TFEC: variants seen among roughly 807,000 people sequenced by gnomAD.
TFEC encodes class E basic helix-loop-helix protein 34.
Under a neutral mutation model 41.6 loss-of-function variants are expected in TFEC, and 31 were observed. That is an observed-to-expected ratio of 0.74 (90% CI 0.56 to 1.01). The LOEUF (loss-of-function observed/expected upper bound fraction) is 1.01. Among genes scored for constraint, TFEC ranks in the 50% least tolerant of loss-of-function variants. The pLI is 0.00. For synonymous variants in TFEC, 143 were observed against 140.6 expected, an observed-to-expected ratio of 1.02 and a Z score of -0.12; for missense variants, 402 against 404.1, an observed-to-expected ratio of 0.99 and a Z score of 0.04.
chr7:116,112,537 T>C (rs1797878638), intron 1 of TFEC, among the ~76,000 whole-genome samples: 2 of 152,002 alleles, frequency 1.3e-5, no homozygotes, highest in Admixed American at 1.3e-4. Flanking sequence ...ATTATAGCTG[T>C]ACACATGACA....
upstream of TFEC, among the ~76,000 whole-genome samples, chr7:116,032,758 A>G (rs146140435): frequency 4.1e-3 from 620 of 152,264 alleles, 6 homozygotes; most frequent in African/African-American, 0.014. Context: ...GGGTGACAAA[A>G]TAATCTGTAC....
intron 3 of TFEC, among the ~76,000 whole-genome samples, chr7:116,063,390 G>A (rs1796615800): frequency 6.6e-6 from 1 of 152,170 alleles, no homozygotes; most frequent in Non-Finnish European, 1.5e-5. Flanking sequence ...GCTGAGGCAG[G>A]TGAATCATTT....
chr7:116,088,987 G>T (rs1190929009), intron 3 of TFEC, among the ~76,000 whole-genome samples: 1 of 152,002 alleles, frequency 6.6e-6, no homozygotes, highest in Non-Finnish European at 1.5e-5. Flanking sequence ...TGGACAAGTT[G>T]CTTACTCCCT....
intron 1 of TFEC, among the ~76,000 whole-genome samples, chr7:116,114,191 A>T (rs528264778): frequency 6.6e-6 from 1 of 152,066 alleles, no homozygotes; most frequent in African/African-American, 2.4e-5. Flanking sequence ...TATTAATAGT[A>T]TGATAAGCTA....
At chr7:115,982,935 A>G (rs773192894) in intron 2 of TFEC, among the ~76,000 whole-genome samples, 5 of 152,162 alleles carry the variant, frequency 3.3e-5, no homozygotes, top group Non-Finnish European at 5.9e-5. Context: ...AATATATAAT[A>G]AAATCATTTC....
At chr7:115,971,918 T>C (rs1243047736) in intron 3 of TFEC, among the ~76,000 whole-genome samples, 4 of 152,186 alleles carry the variant, frequency 2.6e-5, no homozygotes, top group African/African-American at 7.2e-5. Flanking sequence ...AATAAATTCC[T>C]TTCATGCTTA....
chr7:116,064,343 TAATA>T (rs1796642317), intron 3 of TFEC, among the ~76,000 whole-genome samples: 1 of 151,032 alleles, frequency 6.6e-6, no homozygotes, highest in African/African-American at 2.4e-5. Flanking sequence ...TTGTACAAAA[TAATA>T]TATATATTAT....
At chr7:115,981,929 A>T (rs532219009) in intron 2 of TFEC, among the ~76,000 whole-genome samples, 1 of 152,296 alleles carries the variant, frequency 6.6e-6, no homozygotes, top group South Asian at 2.1e-4. Context: ...ATACTGAAGG[A>T]TAAGTCTGAG....
chr7:116,017,268 C>T (rs1172813795), intron 1 of TFEC, among the ~76,000 whole-genome samples: 1 of 152,304 alleles, frequency 6.6e-6, no homozygotes, highest in African/African-American at 2.4e-5. Flanking sequence ...GTCACCCAGG[C>T]TGGAGTGCAG....
intron 1 of TFEC, among the ~76,000 whole-genome samples, chr7:116,006,931 C>T (rs1280682825): frequency 6.6e-6 from 1 of 152,130 alleles, no homozygotes; most frequent in African/African-American, 2.4e-5. Context: ...AATCTCTCTT[C>T]TCTTGTCTGC....
At chr7:115,995,114 A>C (rs925787106) in intron 1 of TFEC, among the ~76,000 whole-genome samples, 1 of 150,262 alleles carries the variant, frequency 6.7e-6, no homozygotes, top group African/African-American at 2.4e-5. Flanking sequence ...ACCAAACACC[A>C]CATGTTCTCA....
chr7:115,982,416 C>T (rs1793668965), intron 2 of TFEC, among the ~76,000 whole-genome samples: 1 of 152,172 alleles, frequency 6.6e-6, no homozygotes, highest in Non-Finnish European at 1.5e-5. Context: ...TTGAGTCAGA[C>T]TCCAAGAACC....
intron 3 of TFEC, among the ~76,000 whole-genome samples, chr7:116,084,783 C>T (rs1312331788): frequency 1.3e-5 from 2 of 151,820 alleles, no homozygotes; most frequent in Non-Finnish European, 1.5e-5. Flanking sequence ...ATTTCAGTTT[C>T]AGTGGTATCC....
At chr7:116,001,819 A>G (rs1268183603) in intron 1 of TFEC, among the ~76,000 whole-genome samples, 2 of 152,220 alleles carry the variant, frequency 1.3e-5, no homozygotes, top group Non-Finnish European at 2.9e-5. Flanking sequence ...TAATAATCCA[A>G]TTAAAAATGG....
Position 116,155,452 on chromosome 7 carries a change from G to A in TFEC, c.-69+4338C>T, listed in dbSNP as rs1012744113. 3.9e-5 allele frequency among the ~76,000 whole-genome samples: 6 copies of A among 152,178 alleles called. No homozygotes were observed. The East Asian group carries it at 7.7e-4, about 20-fold the overall frequency. ...GTGCCATTGGGCCTACAGCAAACCT[G>A]CCAGCATCTACCTCAGATGGCTAAC... On this transcript the variant is annotated intron_variant, in intron 1 of 8. Coordinates refer to the TFEC transcript ENST00000484212.
chr7:115,984,494 C>G lies in TFEC; in HGVS notation c.-53G>C, dbSNP rs779876108. 6.2e-7 allele frequency: 1 copy of G among 1,613,934 alleles called. No homozygotes were observed. ...TTTCTGTAGCTGAGGCCTTGCAGAA[C>G]TTTCCAGGTGTGCTGGGACCTACAA... On this transcript the variant is annotated 5_prime_UTR_variant, in exon 2 of 8. Coordinates refer to ENST00000265440, the MANE Select transcript of TFEC (RefSeq NM_012252.4).
chr7:116,023,083 CA>C (rs10714429), intron 1 of TFEC, among the ~76,000 whole-genome samples: 21,080 of 134,912 alleles, frequency 0.16, 1,825 homozygotes, highest in Non-Finnish European at 0.22. Flanking sequence ...GTTCTTCCAG[CA>C]AAAAAAAAAA....
rs948188015 is a variant in TFEC, at chr7:115,956,883, T to G, written c.268-90A>C. On this transcript the variant is annotated intron_variant, in intron 3 of 7. Coordinates refer to ENST00000265440, the MANE Select transcript of TFEC (RefSeq NM_012252.4). ...TATATATTACATTTTCCACTTTAAA[T>G]GTGGCATTTTGTTAATAATAATTTC... 3 of 704,824 alleles carry G rather than the reference T, an allele frequency of 4.3e-6. No individual in the cohort carries two copies. The African/African-American group carries it at 5.6e-5, about 13-fold the overall frequency. 43.7% of individuals were successfully genotyped at this position (704,824 alleles called of 1,614,324 possible).
At chr7:116,098,709 T>C (rs976502195) in intron 3 of TFEC, among the ~76,000 whole-genome samples, 4 of 152,106 alleles carry the variant, frequency 2.6e-5, no homozygotes, top group Non-Finnish European at 5.9e-5. Context: ...GACCAAACAT[T>C]AACTAAGAAT....
Sources: gnomAD v4.1 joint callset for allele counts (sites outside exome capture counted in the v4.1 genomes callset) on GRCh38, gnomAD v4.1.1 for gene constraint, MANE v1.5 for transcripts, NCBI Gene and HGNC (gene_info 2026-07-23, HGNC 2026-07-21) for gene names.